DEPDC4: variants seen among roughly 807,000 people sequenced by gnomAD.
DEPDC4 encodes DEP domain containing 4.
A neutral mutation model predicts 52.0 loss-of-function variants in DEPDC4; 52 were observed. That is an observed-to-expected ratio of 1.00 (90% confidence interval 0.80 to 1.26). The LOEUF is 1.26. Among genes scored for constraint, DEPDC4 ranks in the 50% most tolerant of loss-of-function variants. The probability of loss-of-function intolerance (pLI) is 0.00; values close to 1 mark genes in which losing one functional copy is unlikely to be tolerated. For synonymous variants in DEPDC4, 201 were observed against 196.8 expected (o/e 1.02, Z -0.18); for missense variants, 530 against 546.9 (o/e 0.97, Z 0.31).
chr12:100,278,892 T>C, the DEPDC4 span, among the ~76,000 whole-genome samples: 3 of 152,158 alleles, frequency 2.0e-5, no homozygotes, highest in Non-Finnish European at 4.4e-5. Flanking sequence ...CCTCCCAAAG[T>C]GCTGGGATTA....
intron 3 of DEPDC4, among the ~76,000 whole-genome samples, chr12:100,260,162 C>T (rs2096248807): frequency 6.6e-6 from 1 of 151,926 alleles, no homozygotes; most frequent in Admixed American, 6.6e-5. Flanking sequence ...CTCTTGTTGC[C>T]CAGGCTGCAG....
At chr12:100,269,987 CTTTTT>C (rs548843835), upstream of DEPDC4, among the ~76,000 whole-genome samples, 1 of 142,998 alleles carries the variant, frequency 7.0e-6, no homozygotes, top group Non-Finnish European at 1.5e-5. Context: ...AGATTTTATA[CTTTTT>C]TTTTTTTTTT....
chr12:100,259,938 C>A (rs1025796763), intron 3 of DEPDC4, among the ~76,000 whole-genome samples: 3 of 148,000 alleles, frequency 2.0e-5, no homozygotes, highest in South Asian at 2.1e-4. Flanking sequence ...TTCATTCCCT[C>A]CTATGTCTTT....
At chr12:100,265,489 G>A (rs1017851893) in intron 1 of DEPDC4, among the ~76,000 whole-genome samples, 2 of 152,140 alleles carry the variant, frequency 1.3e-5, no homozygotes, top group African/African-American at 2.4e-5. Context: ...CCAGCTACTT[G>A]GGAAGCTGAG....
downstream of DEPDC4, chr12:100,237,901 A>G (rs1271865597): frequency 2.2e-5 from 4 of 179,288 alleles, no homozygotes; most frequent in Non-Finnish European, 4.3e-5. Context: ...ACGCAACAAC[A>G]TGGTAATATC....
At chr12:100,279,251 A>AG in the DEPDC4 span, among the ~76,000 whole-genome samples, 1 of 152,248 alleles carries the variant, frequency 6.6e-6, no homozygotes, top group Non-Finnish European at 1.5e-5. Context: ...CACACAACCT[A>AG]GGTCCCTTGC....
chr12:100,262,294 G>C lies in DEPDC4; in HGVS notation c.670C>G (p.Gln224Glu). Residue 224 changes from glutamine (Q) to glutamate (E), a missense_variant, in exon 3 of 10, where the codon CAG becomes GAG. Transcript: ENST00000550587. ...NPALCPNITV[Q>E]KPFLRLSKED... ...TTTGAAAGCCGGAGAAAAGGTTTCTGAACTGTGATATTTGGACATAAAGCT... is the reference window on the plus strand; with the variant it reads ...TTTGAAAGCCGGAGAAAAGGTTTCTCAACTGTGATATTTGGACATAAAGCT... 6.2e-7 allele frequency: 1 copy of C among 1,610,314 alleles called. No individual in the cohort carries two copies. The highest frequency in any genetic ancestry group is 2.2e-5 in the East Asian group (1 of 44,788).
downstream of DEPDC4, among the ~76,000 whole-genome samples, chr12:100,237,284 C>T (rs1203906425): frequency 6.6e-6 from 1 of 151,404 alleles, no homozygotes; most frequent in African/African-American, 2.4e-5. Flanking sequence ...CTCGGCTCAC[C>T]GCAACCTCCA....
chr12:100,242,746 G>A (rs2096165137), intron 8 of DEPDC4, among the ~76,000 whole-genome samples, 177 bp from the exon 9 acceptor site: 1 of 152,128 alleles, frequency 6.6e-6, no homozygotes, highest in Non-Finnish European at 1.5e-5. Context: ...GCCAGTTTTA[G>A]CATACTTCTA....
At chr12:100,243,532 C>T (rs1022135839) in intron 8 of DEPDC4, among the ~76,000 whole-genome samples, 16 of 152,126 alleles carry the variant, frequency 1.1e-4, no homozygotes, top group Non-Finnish European at 4.4e-5. Context: ...CATCCATATA[C>T]GCTCACCTTT....
Position 100,241,226 on chromosome 12 carries a change from A to G in DEPDC4, c.*666T>C, listed in dbSNP as rs181962706. Among the ~76,000 whole-genome samples the G allele has an allele frequency of 9.2e-5, 14 of 152,114 alleles. No individual in the cohort carries two copies. Among genetic ancestry groups the G allele is most frequent in the East Asian group, 7.7e-4 (4 of 5,188 alleles). On this transcript the variant is annotated 3_prime_UTR_variant, in exon 10 of 10. Coordinates refer to ENST00000550587, the MANE Select transcript of DEPDC4 (RefSeq NM_001364818.2). ...TGTATGAAAAGCTCCTTTCCTGTGG[A>G]AAAAAAAGGAAATTAACTGTACTAG...
intron 1 of DEPDC4, among the ~76,000 whole-genome samples, 196 bp from the exon 2 acceptor site, chr12:100,264,089 T>C (rs2096263616): frequency 6.6e-6 from 1 of 152,146 alleles, no homozygotes; most frequent in South Asian, 2.1e-4. Flanking sequence ...AAAAACAGAG[T>C]AAACCTGGGA....
chr12:100,277,936 A>C, the DEPDC4 span, among the ~76,000 whole-genome samples: 12 of 152,014 alleles, frequency 7.9e-5, no homozygotes, highest in Admixed American at 4.6e-4. Context: ...TTTTAACTTT[A>C]AATACCACAA....
At chr12:100,256,434 ATTAATT>A (rs1346611182) in intron 3 of DEPDC4, among the ~76,000 whole-genome samples, 1 of 152,138 alleles carries the variant, frequency 6.6e-6, no homozygotes, top group Non-Finnish European at 1.5e-5. Context: ...TATGAGCCAT[ATTAATT>A]TTATTTTCTG....
intron 8 of DEPDC4, among the ~76,000 whole-genome samples, chr12:100,244,476 C>T (rs920727699): frequency 5.3e-5 from 8 of 151,594 alleles, no homozygotes; most frequent in African/African-American, 9.7e-5. Flanking sequence ...CCACAGCATC[C>T]GGCCTATTTT....
At chr12:100,239,975 GA>G (rs1434384775), downstream of DEPDC4, among the ~76,000 whole-genome samples, 1 of 152,070 alleles carries the variant, frequency 6.6e-6, no homozygotes, top group African/African-American at 2.4e-5. Flanking sequence ...CACCATGTCT[GA>G]CTTCTTAGTT....
intron 5 of DEPDC4, among the ~76,000 whole-genome samples, chr12:100,252,804 A>G (rs2096213828): frequency 6.6e-6 from 1 of 152,254 alleles, no homozygotes; most frequent in Admixed American, 6.5e-5. Flanking sequence ...CACAGCTAAA[A>G]AATGACATAT....
chr12:100,232,039 C>A (rs1001470133), intron 9 of DEPDC4, among the ~76,000 whole-genome samples: 2 of 152,242 alleles, frequency 1.3e-5, no homozygotes, highest in Non-Finnish European at 2.9e-5. Context: ...TAAGTGGTTT[C>A]ATATTTTTAG....
At chr12:100,276,527 A>C in the DEPDC4 span, among the ~76,000 whole-genome samples, 1 of 152,034 alleles carries the variant, frequency 6.6e-6, no homozygotes, top group South Asian at 2.1e-4. Context: ...TTGTAGAAAC[A>C]GGGTCTCCTT....
Sources: allele counts gnomAD v4.1 joint callset (sites outside exome capture counted in the v4.1 genomes callset), GRCh38; gene constraint gnomAD v4.1.1; transcripts MANE v1.5; gene names NCBI Gene and HGNC (gene_info 2026-07-23, HGNC 2026-07-21).